Variants in TMCC1 observed in about 807,000 individuals in gnomAD.
TMCC1 encodes the protein transmembrane and coiled-coil domain family 1.
Under a neutral mutation model 52.4 loss-of-function variants are expected in TMCC1, and 15 were observed. The observed-to-expected ratio is 0.29, with a 90% CI of 0.19 to 0.44. The LOEUF is 0.44. Ranked by LOEUF, TMCC1 falls within the 20% of genes least tolerant of loss-of-function variation. The pLI is 1.00. For missense variants in TMCC1, 503 were observed against 806.0 expected, an observed-to-expected ratio of 0.62 and a Z score of 4.55; for synonymous variants, 279 against 301.9, an observed-to-expected ratio of 0.92 and a Z score of 0.79.
intron 2 of TMCC1, among the ~76,000 whole-genome samples, chr3:129,875,062 A>G (rs1266659093): frequency 1.3e-5 from 2 of 152,070 alleles, no homozygotes; most frequent in East Asian, 1.9e-4. Flanking sequence ...CTGCATTAAG[A>G]TGACCAATAC....
At position 129,788,436 on chromosome 3, in the gene TMCC1, T is replaced by A. The variant is rs6439199; in HGVS notation, c.576+39367A>T. On this transcript the variant is annotated intron_variant, in intron 4 of 6. Coordinates refer to ENST00000393238, the MANE Select transcript of TMCC1 (RefSeq NM_001017395.5). ...CCATTCCCACTACATCAACAATACA[T>A]GACATTGATCTTACTGGGGTCTTAT... 2.0e-5 allele frequency among the ~76,000 whole-genome samples: 3 copies of A among 152,310 alleles called. No homozygotes were observed. The South Asian group carries it at 6.2e-4, about 32-fold the overall frequency.
intron 4 of TMCC1, among the ~76,000 whole-genome samples, chr3:129,722,382 C>T (rs1001390730): frequency 6.6e-6 from 1 of 152,108 alleles, no homozygotes; most frequent in Admixed American, 6.5e-5. Flanking sequence ...CCCAAACCAT[C>T]CCACTCCAAC....
intron 2 of TMCC1, among the ~76,000 whole-genome samples, chr3:129,851,263 T>C (rs1336536020): frequency 6.6e-6 from 1 of 152,228 alleles, no homozygotes; most frequent in Admixed American, 6.5e-5. Flanking sequence ...CAGGCCTATG[T>C]AGCACCAGCC....
At chr3:129,841,662 T>C (rs894621997) in intron 2 of TMCC1, among the ~76,000 whole-genome samples, 2 of 152,214 alleles carry the variant, frequency 1.3e-5, no homozygotes, top group Admixed American at 6.5e-5. Context: ...TTGGAACTTA[T>C]GTTTAAAAGG....
chr3:129,658,338 C>T (rs1272939114), intron 5 of TMCC1, among the ~76,000 whole-genome samples: 2 of 152,204 alleles, frequency 1.3e-5, no homozygotes, highest in Non-Finnish European at 2.9e-5. Flanking sequence ...CTGTTGTTAT[C>T]CTTTCCTCAT....
At chr3:129,723,413 T>A (rs868613853) in intron 4 of TMCC1, among the ~76,000 whole-genome samples, 127 of 129,246 alleles carry the variant, frequency 9.8e-4, no homozygotes, top group African/African-American at 2.9e-3. Flanking sequence ...TTTTTTTTTT[T>A]AATTTAATAA....
At chr3:129,789,579 C>G (rs1026363561) in intron 4 of TMCC1, among the ~76,000 whole-genome samples, 7 of 152,178 alleles carry the variant, frequency 4.6e-5, no homozygotes, top group African/African-American at 1.7e-4. Context: ...CTCCTGGGTT[C>G]ACGCCATTCT....
intron 4 of TMCC1, among the ~76,000 whole-genome samples, chr3:129,713,427 G>C (rs149478308): frequency 1.3e-5 from 2 of 152,224 alleles, no homozygotes; most frequent in African/African-American, 4.8e-5. Flanking sequence ...AAATATGTAT[G>C]ATAAAACATA....
Position 129,792,461 on chromosome 3 carries a change from C to T in TMCC1, c.576+35342G>A, listed in dbSNP as rs757460724. On this transcript the variant is annotated intron_variant, in intron 4 of 6. Coordinates refer to ENST00000393238, the MANE Select transcript of TMCC1 (RefSeq NM_001017395.5). ...CTCCTGGGTTCAAGCGATTCTCCTG[C>T]GTCGTCAGCCTCCCAAGTAGCTGGG... Among the ~76,000 whole-genome samples the T allele has an allele frequency of 2.1e-4, 32 of 152,100 alleles. No individual in the cohort carries two copies. In the Middle Eastern group the frequency reaches 0.014, roughly 65 times the overall value.
chr3:129,837,275 CACTA>C (rs1273654853), intron 2 of TMCC1, among the ~76,000 whole-genome samples: 2 of 152,062 alleles, frequency 1.3e-5, no homozygotes, highest in African/African-American at 2.4e-5. Flanking sequence ...CCTCACCCTC[CACTA>C]ACTGACAGGC....
chr3:129,716,276 C>T (rs187275659), intron 4 of TMCC1, among the ~76,000 whole-genome samples: 178 of 149,966 alleles, frequency 1.2e-3, no homozygotes, highest in African/African-American at 3.8e-3. Context: ...GAGTCTCCTG[C>T]CTCAGCCTCC....
At chr3:129,819,085 TTTC>T (rs2058279263) in intron 4 of TMCC1, 1 of 152,394 alleles carries the variant, frequency 6.6e-6, no homozygotes, top group South Asian at 2.1e-4. Context: ...TTTTTCTTTC[TTTC>T]TTTTTTTCTT....
In TMCC1 at chr3:129,888,147, G is replaced by A. The variant is rs148708950; in HGVS notation, c.-435+5347C>T. Among the ~76,000 whole-genome samples, 849 of 152,332 alleles carry A rather than the reference G, an allele frequency of 5.6e-3. 7 individuals carry two copies. Among genetic ancestry groups the A allele is most frequent in the Middle Eastern group, 0.014 (4 of 294 alleles). On this transcript the variant is annotated intron_variant, in intron 1 of 6. Coordinates refer to ENST00000393238, the MANE Select transcript of TMCC1 (RefSeq NM_001017395.5). ...AACCACTATACGTGTATGCTGGAAT[G>A]GAATAATTAATTCTGGCAGATGGTG...
At chr3:129,763,177 G>A (rs1051646650) in intron 4 of TMCC1, among the ~76,000 whole-genome samples, 2 of 147,848 alleles carry the variant, frequency 1.4e-5, no homozygotes, top group African/African-American at 2.5e-5. Context: ...CAGCCTGGGT[G>A]ACAGAGCAAG....
chr3:129,765,476 T>C (rs1440084161), intron 4 of TMCC1, among the ~76,000 whole-genome samples: 1 of 152,182 alleles, frequency 6.6e-6, no homozygotes, highest in Non-Finnish European at 1.5e-5. Flanking sequence ...GTCTTTACCA[T>C]AGTTTCCAAG....
intron 4 of TMCC1, chr3:129,688,334 G>A: frequency 1.0e-6 from 1 of 985,374 alleles, no homozygotes; most frequent in African/African-American, 1.7e-5. Context: ...AAACTGCAGA[G>A]GAGCTGTGGC....
intron 4 of TMCC1, among the ~76,000 whole-genome samples, chr3:129,753,271 CTT>C (rs2052693929): frequency 6.6e-6 from 1 of 152,164 alleles, no homozygotes; most frequent in African/African-American, 2.4e-5. Flanking sequence ...GAAGTCCTAA[CTT>C]TATATATATC....
At chr3:129,695,819 T>G (rs1262211585) in intron 4 of TMCC1, among the ~76,000 whole-genome samples, 1 of 152,166 alleles carries the variant, frequency 6.6e-6, no homozygotes, top group Non-Finnish European at 1.5e-5. Context: ...GCTCTGATTT[T>G]TGTAAATCTT....
At chr3:129,674,123 G>A (rs886681793) in intron 4 of TMCC1, among the ~76,000 whole-genome samples, 5 of 152,312 alleles carry the variant, frequency 3.3e-5, no homozygotes, top group Non-Finnish European at 4.4e-5. Context: ...CACACTCAGC[G>A]ATGTTTGCAC....
Sources: gnomAD v4.1 joint callset for allele counts (sites outside exome capture counted in the v4.1 genomes callset) on GRCh38, gnomAD v4.1.1 for gene constraint, MANE v1.5 for transcripts, NCBI Gene and HGNC (gene_info 2026-07-23, HGNC 2026-07-21) for gene names.